Variants in ZMPSTE24 observed in about 807,000 individuals in gnomAD.
The protein encoded by ZMPSTE24 is CAAX prenyl protease 1 homolog.
ZMPSTE24 carries 48 observed loss-of-function variants against 56.7 expected under a neutral mutation model. The observed-to-expected ratio is 0.85, with a 90% confidence interval of 0.67 to 1.08. ZMPSTE24 has a LOEUF of 1.08. ZMPSTE24 is among the 50% of genes least tolerant of loss of function. The pLI is 0.00. For synonymous variants in ZMPSTE24, 172 were observed against 195.2 expected (o/e 0.88, Z 0.99); for missense variants, 503 against 548.7 (o/e 0.92, Z 0.83).
At chr1:40,291,126 C>A in intron 9 of ZMPSTE24, 129 bp downstream of exon 9, 2 of 1,241,776 alleles carry the variant, frequency 1.6e-6, no homozygotes, top group Non-Finnish European at 2.2e-6. Context: ...GTCTTTTAGT[C>A]CCCTGATTCA....
intron 8 of ZMPSTE24, 26 bp from the exon 9 acceptor site, chr1:40,290,826 CTT>C: frequency 6.2e-7 from 1 of 1,611,710 alleles, no homozygotes; most frequent in East Asian, 2.2e-5. Flanking sequence ...TTGGTAATAA[CTT>C]AGAAATTTCA....
At chr1:40,284,720 C>G (rs2124592521) in intron 7 of ZMPSTE24, among the ~76,000 whole-genome samples, 1 of 152,252 alleles carries the variant, frequency 6.6e-6, no homozygotes, top group Admixed American at 6.5e-5. Context: ...CCGTTGCACT[C>G]CAGCTTGGGC....
chr1:40,291,088 T>C, intron 9 of ZMPSTE24, 91 bp downstream of exon 9: 2 of 1,508,328 alleles, frequency 1.3e-6, no homozygotes, highest in Non-Finnish European at 1.8e-6. Flanking sequence ...AATAGAACAG[T>C]ACAGTTTTAA....
intron 6 of ZMPSTE24, among the ~76,000 whole-genome samples, chr1:40,273,640 G>A (rs576609301): frequency 8.4e-5 from 12 of 143,158 alleles, no homozygotes; most frequent in South Asian, 2.2e-4. Context: ...TTAAAAGTCT[G>A]TGGAGAAATG....
At chr1:40,263,728 G>T (rs953186017) in intron 2 of ZMPSTE24, among the ~76,000 whole-genome samples, 1 of 144,924 alleles carries the variant, frequency 6.9e-6, no homozygotes, top group Non-Finnish European at 1.5e-5. Flanking sequence ...GATTAGCTTC[G>T]ACTTTTTTTT....
intron 4 of ZMPSTE24, among the ~76,000 whole-genome samples, chr1:40,269,480 G>A (rs545667694): frequency 2.0e-5 from 3 of 152,156 alleles, no homozygotes; most frequent in Non-Finnish European, 4.4e-5. Context: ...GTTTGTTTGC[G>A]ACAGGGTCTC....
At chr1:40,286,364 A>C (rs1643786742) in intron 8 of ZMPSTE24, among the ~76,000 whole-genome samples, 1 of 152,220 alleles carries the variant, frequency 6.6e-6, no homozygotes, top group Non-Finnish European at 1.5e-5. Flanking sequence ...AAGAACTTGG[A>C]AAATCAAAAG....
chr1:40,280,585 C>T (rs574277903), intron 6 of ZMPSTE24, among the ~76,000 whole-genome samples: 10 of 152,092 alleles, frequency 6.6e-5, no homozygotes, highest in South Asian at 4.2e-4. Flanking sequence ...CCACCATGCC[C>T]GGCTAATTTT....
chr1:40,273,600 C>T (rs1643638626), intron 6 of ZMPSTE24, among the ~76,000 whole-genome samples: 1 of 123,752 alleles, frequency 8.1e-6, no homozygotes, highest in African/African-American at 3.0e-5. Context: ...TGAGGATATA[C>T]AGCCCAACTA....
chr1:40,290,895 T>G lies in ZMPSTE24; in HGVS notation c.1101T>G (p.Ile367Met), dbSNP rs1172679301. 1.2e-6 allele frequency: 2 copies of G among 1,614,128 alleles called. No individual in the cohort carries two copies. The highest frequency in any genetic ancestry group is 1.1e-5 in the South Asian group (1 of 91,074). Residue 367 changes from isoleucine (I) to methionine (M), a missense_variant, in exon 9 of 10, where the codon ATT becomes ATG. Coordinates refer to ENST00000372759, the MANE Select transcript of ZMPSTE24 (RefSeq NM_005857.5). ...FLCFFLFAVL[I>M]GRKELFAAFG... is the part of the protein sequence containing the mutation. ...GTTTTTTTTTATTTGCTGTATTAAT[T>G]GGTCGAAAGGAGCTTTTTGCTGCAT...
At chr1:40,278,011 A>G (rs1324932571) in intron 6 of ZMPSTE24, among the ~76,000 whole-genome samples, 1 of 151,434 alleles carries the variant, frequency 6.6e-6, no homozygotes, top group Non-Finnish European at 1.5e-5. Flanking sequence ...AAAGATAGAG[A>G]TAGAAGGATA....
At chr1:40,258,601 A>G (rs999406939) in intron 1 of ZMPSTE24, among the ~76,000 whole-genome samples, 1 of 152,082 alleles carries the variant, frequency 6.6e-6, no homozygotes, top group East Asian at 1.9e-4. Context: ...TAACGTTATC[A>G]TGGGACCCAA....
intron 6 of ZMPSTE24, among the ~76,000 whole-genome samples, chr1:40,273,887 G>A (rs569123679): frequency 1.8e-4 from 28 of 151,788 alleles, no homozygotes; most frequent in Non-Finnish European, 3.1e-4. Flanking sequence ...GAAATATATC[G>A]GTGCTATTTT....
intron 4 of ZMPSTE24, 35 bp downstream of exon 4, chr1:40,268,570 G>C (rs776989990): frequency 3.6e-6 from 5 of 1,372,258 alleles, no homozygotes; most frequent in Non-Finnish European, 5.2e-6. Context: ...TCTTTTAAAT[G>C]TGAAAAACTT....
intron 8 of ZMPSTE24, 157 bp from the exon 9 acceptor site, chr1:40,290,697 C>CA: frequency 2.9e-6 from 2 of 683,000 alleles, no homozygotes; most frequent in Non-Finnish European, 2.4e-6. Context: ...CTCCTGACCT[C>CA]GTGATCCACC....
chr1:40,266,775 T>TTG (rs1643553427), intron 2 of ZMPSTE24, among the ~76,000 whole-genome samples: 1 of 143,994 alleles, frequency 6.9e-6, no homozygotes, highest in Non-Finnish European at 1.5e-5. Flanking sequence ...TTTTTTTTTT[T>TTG]TTTTTTTTTT....
chr1:40,274,803 C>G (rs1643652137), intron 6 of ZMPSTE24, among the ~76,000 whole-genome samples: 2 of 152,070 alleles, frequency 1.3e-5, no homozygotes. Flanking sequence ...GTAGCTTAGA[C>G]TAGGATAATA....
chr1:40,265,245 A>G (rs145200799), intron 2 of ZMPSTE24, among the ~76,000 whole-genome samples: 45 of 152,330 alleles, frequency 3.0e-4, no homozygotes, highest in African/African-American at 1.0e-3. Flanking sequence ...ATTTATTAGT[A>G]TTGGGAATTG....
chr1:40,286,274 T>C (rs1643786328), intron 8 of ZMPSTE24, among the ~76,000 whole-genome samples: 1 of 152,156 alleles, frequency 6.6e-6, no homozygotes, highest in Non-Finnish European at 1.5e-5. Flanking sequence ...TTAATACATG[T>C]AAAGAGTTTA....
Sources: allele counts gnomAD v4.1 joint callset (sites outside exome capture counted in the v4.1 genomes callset), GRCh38; gene constraint gnomAD v4.1.1; transcripts MANE v1.5; gene names NCBI Gene and HGNC (gene_info 2026-07-23, HGNC 2026-07-21).